Variants in IMMP2L observed in about 807,000 individuals in gnomAD.
IMMP2L encodes the protein mitochondrial inner membrane protease subunit 2.
In IMMP2L, 18 loss-of-function variants were observed where a neutral mutation model predicts 19.3. The ratio of observed to expected loss-of-function variants is 0.93; its 90% CI spans 0.64 to 1.38. The LOEUF (loss-of-function observed/expected upper bound fraction) is 1.38, where lower values mean the gene tolerates loss of function less well. IMMP2L is among the 40% of genes most tolerant of loss of function. IMMP2L has a pLI of 0.00. For synonymous variants in IMMP2L, 76 were observed against 73.0 expected (o/e 1.04, Z -0.21); for missense variants, 233 against 218.2 (o/e 1.07, Z -0.43).
intron 3 of IMMP2L, among the ~76,000 whole-genome samples, chr7:111,308,284 A>G (rs1443892103): frequency 1.3e-5 from 2 of 151,994 alleles, no homozygotes; most frequent in Non-Finnish European, 2.9e-5. Flanking sequence ...AAATAAATAT[A>G]TAAGGGTAAA....
rs562705867 is a variant in IMMP2L, at chr7:110,849,747, G to C, written c.408+36846C>G. Among the ~76,000 whole-genome samples, 36 of 152,170 alleles carry C rather than the reference G, an allele frequency of 2.4e-4. No homozygotes were observed. In the South Asian group the frequency reaches 7.1e-3, roughly 30 times the overall value. On this transcript the variant is annotated intron_variant, in intron 5 of 5. Coordinates refer to ENST00000405709, the MANE Select transcript of IMMP2L (RefSeq NM_032549.4). The stretch of plus-strand genomic sequence containing the variant: ...TTTCTGTAAAGCAATTTGACAATAT[G>C]ACAATAGCCTTGAAGATGTTCCTAC...
intron 3 of IMMP2L, among the ~76,000 whole-genome samples, chr7:111,087,221 G>A (rs558868823): frequency 1.3e-4 from 20 of 152,132 alleles, no homozygotes; most frequent in African/African-American, 2.2e-4. Flanking sequence ...AGGCTGTGGC[G>A]GGCTGATCAC....
chr7:110,970,374 AAATG>A, intron 3 of IMMP2L, among the ~76,000 whole-genome samples: 1 of 152,270 alleles, frequency 6.6e-6, no homozygotes, highest in East Asian at 1.9e-4. Context: ...ATTTGTATGT[AAATG>A]AATATATACA....
At chr7:110,862,337 T>C (rs762155844) in intron 5 of IMMP2L, among the ~76,000 whole-genome samples, 7 of 151,392 alleles carry the variant, frequency 4.6e-5, no homozygotes, top group Non-Finnish European at 1.0e-4. Flanking sequence ...TATTGTTTTA[T>C]ACATTTTTTA....
intron 3 of IMMP2L, among the ~76,000 whole-genome samples, chr7:111,373,294 T>C (rs1830408908): frequency 6.6e-6 from 1 of 152,010 alleles, no homozygotes; most frequent in African/African-American, 2.4e-5. Context: ...TGGAAGACAG[T>C]GTGGCATCTG....
chr7:110,833,230 G>A (rs987565020), intron 5 of IMMP2L, among the ~76,000 whole-genome samples: 1 of 152,074 alleles, frequency 6.6e-6, no homozygotes, highest in Admixed American at 6.5e-5. Context: ...TCTGAGGTCA[G>A]GAGTTTGACA....
chr7:111,240,295 A>G (rs1025717899), intron 3 of IMMP2L, among the ~76,000 whole-genome samples: 2 of 152,014 alleles, frequency 1.3e-5, no homozygotes, highest in African/African-American at 2.4e-5. Context: ...TCTTCTAAAA[A>G]GAGTAATTTA....
chr7:111,418,145 T>C (rs1023118856), intron 3 of IMMP2L, among the ~76,000 whole-genome samples: 27 of 151,944 alleles, frequency 1.8e-4, no homozygotes, highest in African/African-American at 6.6e-4. Context: ...ATTATGATAA[T>C]GTCACTGACC....
intron 5 of IMMP2L, among the ~76,000 whole-genome samples, chr7:110,871,233 T>C (rs1350598809): frequency 6.6e-6 from 1 of 152,080 alleles, no homozygotes; most frequent in East Asian, 1.9e-4. Context: ...ACATGTTAAA[T>C]TCAAGATGTT....
intron 4 of IMMP2L, among the ~76,000 whole-genome samples, chr7:110,936,109 T>C (rs1391786784): frequency 2.0e-5 from 3 of 152,110 alleles, no homozygotes; most frequent in Admixed American, 2.0e-4. Context: ...GAAGAAAACC[T>C]AGGCAACACT....
chr7:110,809,986 GC>G (rs1801910718), intron 5 of IMMP2L, among the ~76,000 whole-genome samples: 2 of 151,972 alleles, frequency 1.3e-5, no homozygotes, highest in South Asian at 4.1e-4. Flanking sequence ...GAAAGACAAA[GC>G]ACACCAACGC....
At chr7:111,475,958 A>C (rs931573366) in intron 3 of IMMP2L, among the ~76,000 whole-genome samples, 8 of 152,104 alleles carry the variant, frequency 5.3e-5, no homozygotes, top group African/African-American at 1.9e-4. Flanking sequence ...ATTTCAAGTC[A>C]GTTTTGACTC....
chr7:111,270,078 T>A (rs73714698), intron 3 of IMMP2L, among the ~76,000 whole-genome samples: 3 of 151,808 alleles, frequency 2.0e-5, no homozygotes, highest in African/African-American at 7.2e-5. Context: ...TGTGTGTGTG[T>A]GTGTGTGTGT....
At position 111,477,848 on chromosome 7, in the gene IMMP2L, A is replaced by G. The variant is rs1270520072; in HGVS notation, c.239+9390T>C. Among the ~76,000 whole-genome samples, 5 of 152,274 alleles carry G rather than the reference A, an allele frequency of 3.3e-5. No individual in the cohort carries two copies. In the East Asian group the frequency reaches 7.7e-4, roughly 24 times the overall value. On this transcript the variant is annotated intron_variant, in intron 3 of 5. Transcript: ENST00000405709. The stretch of plus-strand genomic sequence containing the variant: ...TGGAGGTGGAGGTTGTGGTGAGCCA[A>G]GATCATGCTATTGCACTCCAGCCTG...
chr7:111,231,365 C>T (rs1813696957), intron 3 of IMMP2L, among the ~76,000 whole-genome samples: 1 of 152,112 alleles, frequency 6.6e-6, no homozygotes, highest in African/African-American at 2.4e-5. Context: ...TTAACAGCCA[C>T]AGGTCTTCTT....
intron 3 of IMMP2L, among the ~76,000 whole-genome samples, chr7:111,474,520 C>T (rs1381247167): frequency 1.3e-5 from 2 of 150,718 alleles, no homozygotes; most frequent in African/African-American, 2.4e-5. Context: ...TTTTTTTTTT[C>T]AGTATGCTCT....
intron 3 of IMMP2L, among the ~76,000 whole-genome samples, chr7:111,461,048 T>C (rs1236935388): frequency 6.6e-6 from 1 of 152,124 alleles, no homozygotes; most frequent in African/African-American, 2.4e-5. Context: ...GGCTTCACTT[T>C]AGGTATGGTA....
chr7:110,796,855 C>T (rs1800898207), intron 5 of IMMP2L, among the ~76,000 whole-genome samples: 1 of 152,024 alleles, frequency 6.6e-6, no homozygotes, highest in African/African-American at 2.4e-5. Context: ...CAGAAAATAT[C>T]ACATTTACAA....
intron 3 of IMMP2L, among the ~76,000 whole-genome samples, chr7:111,321,248 G>C (rs971771375): frequency 6.6e-6 from 1 of 151,902 alleles, no homozygotes; most frequent in Non-Finnish European, 1.5e-5. Context: ...CATACAGTGA[G>C]AATGTAAGTC....
Sources: allele counts gnomAD v4.1 joint callset (sites outside exome capture counted in the v4.1 genomes callset), GRCh38; gene constraint gnomAD v4.1.1; transcripts MANE v1.5; gene names NCBI Gene and HGNC (gene_info 2026-07-23, HGNC 2026-07-21).